Variants in GALNTL6 observed in about 807,000 individuals in gnomAD.
GALNTL6 encodes polypeptide N-acetylgalactosaminyltransferase-like 6.
In GALNTL6, 46 loss-of-function variants were observed where a neutral mutation model predicts 73.7. That is an observed-to-expected ratio of 0.62 (90% CI 0.49 to 0.80). GALNTL6 has a LOEUF of 0.80. Among genes scored for constraint, GALNTL6 ranks in the 30% least tolerant of loss-of-function variants. GALNTL6 has a pLI of 0.00. For synonymous variants in GALNTL6, 259 were observed against 263.7 expected (o/e 0.98, Z 0.17); for missense variants, 604 against 755.0 (o/e 0.80, Z 2.34).
chr4:172,906,104 C>T (rs144687322), intron 8 of GALNTL6, among the ~76,000 whole-genome samples: 1 of 152,064 alleles, frequency 6.6e-6, no homozygotes, highest in Non-Finnish European at 1.5e-5. Context: ...GCCAGAACTT[C>T]CCCTGGATGA....
At chr4:172,516,770 G>C (rs1734621580) in intron 5 of GALNTL6, among the ~76,000 whole-genome samples, 1 of 152,046 alleles carries the variant, frequency 6.6e-6, no homozygotes, top group Non-Finnish European at 1.5e-5. Context: ...AGCCAAGAGG[G>C]GGAAGCAATC....
At chr4:172,980,255 G>T (rs1751007597) in intron 10 of GALNTL6, among the ~76,000 whole-genome samples, 2 of 152,182 alleles carry the variant, frequency 1.3e-5, no homozygotes, top group Admixed American at 1.3e-4. Flanking sequence ...AATAGGCACT[G>T]TATGATACTT....
intron 2 of GALNTL6, among the ~76,000 whole-genome samples, chr4:171,979,876 TGTTA>T (rs150333300): frequency 0.02 from 3,116 of 152,170 alleles, 121 homozygotes; most frequent in African/African-American, 0.068. Context: ...AAGACAAAAT[TGTTA>T]GTTGGAAGAA....
rs76550463 is a variant in GALNTL6 at position 172,332,768 on chromosome 4, G to A, written c.387-15755G>A. Among the ~76,000 whole-genome samples the A allele has an allele frequency of 1.8e-3, 278 of 152,256 alleles. 9 individuals carry two copies. The East Asian group carries it at 0.047, about 26-fold the overall frequency. On this transcript the variant is annotated intron_variant, in intron 4 of 12. Transcript: ENST00000506823. ...AAATAGTGCTACAATAAACATGTGA[G>A]TCCAAGTATCTTTTTCATATGTTGA...
At chr4:172,033,291 T>A (rs1741825213) in intron 2 of GALNTL6, among the ~76,000 whole-genome samples, 1 of 152,050 alleles carries the variant, frequency 6.6e-6, no homozygotes, top group South Asian at 2.1e-4. Context: ...ATGCTTGTGT[T>A]CCATAACAAG....
At chr4:172,551,116 T>C (rs1038960156) in intron 5 of GALNTL6, among the ~76,000 whole-genome samples, 5 of 152,244 alleles carry the variant, frequency 3.3e-5, no homozygotes, top group Non-Finnish European at 5.9e-5. Flanking sequence ...TACTGATCTA[T>C]AGCACATACT....
At chr4:172,855,831 G>C (rs930142979) in intron 7 of GALNTL6, among the ~76,000 whole-genome samples, 1 of 152,170 alleles carries the variant, frequency 6.6e-6, no homozygotes, top group Non-Finnish European at 1.5e-5. Context: ...ATTCTGTGTT[G>C]TTGCTAAAGT....
At chr4:171,951,181 G>T (rs1383124571) in intron 2 of GALNTL6, among the ~76,000 whole-genome samples, 1 of 151,750 alleles carries the variant, frequency 6.6e-6, no homozygotes, top group Non-Finnish European at 1.5e-5. Context: ...GAAAAAGGAA[G>T]AAAAGAAGTT....
chr4:172,810,249 A>G (rs1405264980), intron 6 of GALNTL6, among the ~76,000 whole-genome samples: 2 of 152,182 alleles, frequency 1.3e-5, no homozygotes, highest in Non-Finnish European at 2.9e-5. Context: ...AGAAACACGA[A>G]AGAACTGAAA....
chr4:172,028,840 T>C (rs1189826458), intron 2 of GALNTL6, among the ~76,000 whole-genome samples: 1 of 152,042 alleles, frequency 6.6e-6, no homozygotes, highest in Non-Finnish European at 1.5e-5. Flanking sequence ...CTTAGAAATG[T>C]AAAAGTATTT....
At chr4:172,721,962 TA>T (rs1461677868) in intron 5 of GALNTL6, among the ~76,000 whole-genome samples, 2 of 150,190 alleles carry the variant, frequency 1.3e-5, no homozygotes, top group African/African-American at 4.9e-5. Context: ...GTAACACAAA[TA>T]TTGCAATGGA....
chr4:172,076,842 AT>A (rs1731715338), intron 2 of GALNTL6, among the ~76,000 whole-genome samples: 1 of 152,132 alleles, frequency 6.6e-6, no homozygotes, highest in African/African-American at 2.4e-5. Context: ...TATGGTTTGG[AT>A]TTGTGTCCCC....
At chr4:172,838,966 G>C (rs1743059762) in intron 7 of GALNTL6, among the ~76,000 whole-genome samples, 1 of 152,152 alleles carries the variant, frequency 6.6e-6, no homozygotes, top group South Asian at 2.1e-4. Context: ...ATGGAGGGAA[G>C]GTGAACTAAT....
chr4:171,987,789 C>G (rs1164565828), intron 2 of GALNTL6, among the ~76,000 whole-genome samples: 1 of 152,074 alleles, frequency 6.6e-6, no homozygotes, highest in Non-Finnish European at 1.5e-5. Context: ...ATCAATAAAT[C>G]AAGCGTGATC....
intron 5 of GALNTL6, among the ~76,000 whole-genome samples, chr4:172,797,237 C>T (rs988881508): frequency 1.3e-5 from 2 of 151,986 alleles, no homozygotes; most frequent in African/African-American, 4.8e-5. Context: ...TGTATGGCAC[C>T]TAAGAGTTTT....
intron 2 of GALNTL6, among the ~76,000 whole-genome samples, chr4:172,138,623 G>A (rs1256208696): frequency 3.0e-5 from 4 of 135,102 alleles, no homozygotes; most frequent in Non-Finnish European, 6.2e-5. Context: ...TCCACCTCCC[G>A]GGTTCACGCC....
At chr4:172,271,683 A>T (rs570827264) in intron 3 of GALNTL6, among the ~76,000 whole-genome samples, 55 of 152,156 alleles carry the variant, frequency 3.6e-4, no homozygotes, top group Middle Eastern at 3.4e-3. Flanking sequence ...AATATACATT[A>T]TGCATACACA....
At chr4:172,364,173 C>T (rs1030124922) in intron 5 of GALNTL6, among the ~76,000 whole-genome samples, 1 of 152,068 alleles carries the variant, frequency 6.6e-6, no homozygotes, top group Non-Finnish European at 1.5e-5. Flanking sequence ...TATTTTCAGC[C>T]CTCTGTGGGG....
chr4:172,581,376 T>C (rs1051682430), intron 5 of GALNTL6, among the ~76,000 whole-genome samples: 2 of 152,180 alleles, frequency 1.3e-5, no homozygotes, highest in South Asian at 4.1e-4. Flanking sequence ...TAGACTCTCC[T>C]CTTCACCTGT....
Sources: gnomAD v4.1 joint callset for allele counts (sites outside exome capture counted in the v4.1 genomes callset) on GRCh38, gnomAD v4.1.1 for gene constraint, MANE v1.5 for transcripts, NCBI Gene and HGNC (gene_info 2026-07-23, HGNC 2026-07-21) for gene names.